Variants in RUBCNL observed in about 807,000 individuals in gnomAD.
RUBCNL encodes rubicon like autophagy enhancer.
Under a neutral mutation model 69.5 loss-of-function variants are expected in RUBCNL, and 62 were observed. The observed-to-expected ratio is 0.89, with a 90% CI of 0.73 to 1.10. RUBCNL has a LOEUF of 1.10. RUBCNL is among the 50% of genes least tolerant of loss of function. The probability of loss-of-function intolerance (pLI) is 0.00; values close to 1 mark genes in which losing one functional copy is unlikely to be tolerated. For missense variants in RUBCNL, 768 were observed against 798.1 expected, an observed-to-expected ratio of 0.96 and a Z score of 0.45; for synonymous variants, 291 against 303.6, an observed-to-expected ratio of 0.96 and a Z score of 0.43.
At chr13:46,377,377 C>T (rs924126743) in intron 2 of RUBCNL, among the ~76,000 whole-genome samples, 1 of 152,212 alleles carries the variant, frequency 6.6e-6, no homozygotes, top group African/African-American at 2.4e-5. Context: ...AATTCTCATG[C>T]CTCAGCCTCC....
At chr13:46,352,669 C>T (rs1008157828) in intron 10 of RUBCNL, among the ~76,000 whole-genome samples, 45 of 152,144 alleles carry the variant, frequency 3.0e-4, no homozygotes, top group African/African-American at 1.1e-3. Flanking sequence ...ATTGGAGTGG[C>T]GGTGCATGCT....
chr13:46,357,780 C>A (rs766949691), intron 9 of RUBCNL, among the ~76,000 whole-genome samples: 9 of 151,960 alleles, frequency 5.9e-5, no homozygotes, highest in Non-Finnish European at 8.8e-5. Flanking sequence ...CAGGCATGCA[C>A]CACCATGCCC....
At chr13:46,382,042 C>A (rs2049128843) in intron 1 of RUBCNL, among the ~76,000 whole-genome samples, 1 of 152,182 alleles carries the variant, frequency 6.6e-6, no homozygotes, top group Non-Finnish European at 1.5e-5. Flanking sequence ...CTCAAGCAAT[C>A]CTCCCAGTTC....
rs998668507 is a variant in RUBCNL at position 46,336,631 on chromosome 13, G to T, written c.*6754C>A. The stretch of plus-strand genomic sequence containing the variant: ...GTTAAGAAGAATGCAAGCAACTGTG[G>T]TAGAGAGGTAGGTGAAGACAATACA... On this transcript the variant is annotated 3_prime_UTR_variant, in exon 15 of 15. Transcript: ENST00000429979. Among the ~76,000 whole-genome samples, 1 of 152,086 alleles carries T rather than the reference G, an allele frequency of 6.6e-6. No homozygotes were observed. Among genetic ancestry groups the T allele is most frequent in the African/African-American group, 2.4e-5 (1 of 41,424 alleles).
intron 10 of RUBCNL, among the ~76,000 whole-genome samples, chr13:46,352,305 T>C (rs2138702211): frequency 6.6e-6 from 1 of 152,346 alleles, no homozygotes; most frequent in Middle Eastern, 3.4e-3. Context: ...CCCTCAACAC[T>C]AGGTTCTGAC....
upstream of RUBCNL, chr13:46,389,927 A>G (rs1256086969): frequency 6.6e-6 from 1 of 152,284 alleles, no homozygotes; most frequent in African/African-American, 2.4e-5. This position sits in a 1 kb window ranked among gnomAD's most constrained non-coding sequence, Gnocchi z 4.2. Context: ...CCATGCAGGA[A>G]AAGGAGAGGC....
chr13:46,377,823 C>T, intron 2 of RUBCNL, 67 bp downstream of exon 2: 1 of 913,192 alleles, frequency 1.1e-6, no homozygotes, highest in Non-Finnish European at 1.7e-6. Context: ...AATAGATTCA[C>T]AACCATGTCT....
Position 46,359,555 on chromosome 13 carries a change from C to A in RUBCNL, c.1196G>T (p.Arg399Met), listed in dbSNP as rs758857076. 3 of 1,592,246 alleles carry A rather than the reference C, an allele frequency of 1.9e-6. No individual in the cohort carries two copies. In the South Asian group the frequency reaches 3.4e-5, roughly 18 times the overall value. ...NVVQEIKFKS[R>M]IRGTEDWAPP... ...AGCCCAGTCTTCAGTCCCTCTGATC[C>A]TAGACTTAAATTTAATTTCCTGTAC... The change falls in exon 9 of 15, where the codon AGG becomes ATG. Residue 399 changes from arginine (R) to methionine (M), a missense_variant. Transcript: ENST00000429979.
intron 1 of RUBCNL, among the ~76,000 whole-genome samples, chr13:46,383,027 G>C (rs1003579231): frequency 6.6e-6 from 1 of 152,216 alleles, no homozygotes; most frequent in African/African-American, 2.4e-5. Flanking sequence ...ATAATTGGTA[G>C]AATTTCTTAA....
At chr13:46,352,935 C>T (rs2048401885) in intron 10 of RUBCNL, among the ~76,000 whole-genome samples, 1 of 152,186 alleles carries the variant, frequency 6.6e-6, no homozygotes, top group Non-Finnish European at 1.5e-5. Context: ...ATTCTGTGCT[C>T]GAAAGTCTGT....
intron 8 of RUBCNL, 132 bp downstream of exon 8, chr13:46,361,309 T>C: frequency 1.2e-6 from 1 of 843,078 alleles, no homozygotes; most frequent in Non-Finnish European, 1.8e-6. Context: ...CATGCCAGTT[T>C]CCTCATTCAT....
intron 10 of RUBCNL, among the ~76,000 whole-genome samples, chr13:46,351,388 G>T (rs1454200105): frequency 2.0e-5 from 3 of 152,174 alleles, no homozygotes; most frequent in African/African-American, 7.2e-5. Flanking sequence ...CTAGAGGAGG[G>T]CACTTACGTC....
chr13:46,380,792 T>C (rs1435917508), intron 1 of RUBCNL, among the ~76,000 whole-genome samples: 1 of 152,340 alleles, frequency 6.6e-6, no homozygotes, highest in African/African-American at 2.4e-5. Context: ...TTTTGTTCTT[T>C]CTTTCCAATG....
In RUBCNL at chr13:46,337,263, C is replaced by T. The variant is rs1317007181; in HGVS notation, c.*6122G>A. 6.6e-6 allele frequency among the ~76,000 whole-genome samples: 1 copy of T among 152,174 alleles called. No individual in the cohort carries two copies. On this transcript the variant is annotated 3_prime_UTR_variant, in exon 15 of 15. Coordinates refer to ENST00000429979, the MANE Select transcript of RUBCNL (RefSeq NM_025113.5). ...GTTCAAGCGATTCTTCTGCCTCAGC[C>T]TCCCGAGTAGCTGGGATTACAGGCA... is the stretch of plus-strand genomic sequence containing the variant.
intron 14 of RUBCNL, 137 bp from the exon 15 acceptor site, chr13:46,343,634 G>A (rs1410147858): frequency 3.6e-6 from 3 of 827,926 alleles, no homozygotes; most frequent in Non-Finnish European, 5.5e-6. Context: ...AACCAGCCAG[G>A]CTGAAACGCA....
Position 46,368,072 on chromosome 13 carries a change from A to G in RUBCNL, c.796T>C (p.Ser266Pro). 1 of 1,613,936 alleles carries G rather than the reference A, an allele frequency of 6.2e-7. No homozygotes were observed. Among genetic ancestry groups the G allele is most frequent in the Admixed American group, 1.7e-5 (1 of 60,024 alleles). The change falls in exon 5 of 15, where the codon TCT becomes CCT. Residue 266 changes from serine (S) to proline (P), a missense_variant. Ser to Pro is a moderately conservative substitution (Grantham distance 74, BLOSUM62 -1). Coordinates refer to ENST00000429979, the MANE Select transcript of RUBCNL (RefSeq NM_025113.5). ...FDTNIKQESG[S>P]STSSYSGYEG... is the part of the protein sequence containing the mutation. ...TAGCCACTGTATGAAGAAGTAGAAG[A>G]CCCAGACTCTTGCTTTATGTTGGTA...
chr13:46,387,806 T>C (rs1029746128), upstream of RUBCNL: 58 of 985,480 alleles, frequency 5.9e-5, no homozygotes, highest in Non-Finnish European at 6.7e-5. Context: ...CCTTGTCCTC[T>C]TGCAGCGAAG....
intron 12 of RUBCNL, among the ~76,000 whole-genome samples, chr13:46,346,044 G>A (rs1361523849): frequency 2.0e-5 from 3 of 152,104 alleles, no homozygotes; most frequent in Non-Finnish European, 2.9e-5. Context: ...TCACTCACTC[G>A]GCAAGCCTAT....
intron 1 of RUBCNL, among the ~76,000 whole-genome samples, chr13:46,379,367 C>T (rs887207322): frequency 6.6e-6 from 1 of 152,232 alleles, no homozygotes; most frequent in Non-Finnish European, 1.5e-5. Context: ...TGAGCCACCG[C>T]AGGCGGCCGA....
Sources: gnomAD v4.1 joint callset for allele counts (sites outside exome capture counted in the v4.1 genomes callset) on GRCh38, gnomAD v4.1.1 for gene constraint, Gnocchi (gnomAD v3.1) non-coding constraint, MANE v1.5 for transcripts, NCBI Gene and HGNC (gene_info 2026-07-23, HGNC 2026-07-21) for gene names.